Variants in CCDC152 observed in about 807,000 individuals in gnomAD.
CCDC152 encodes coiled-coil domain containing 152.
Under a neutral mutation model 38.1 loss-of-function variants are expected in CCDC152, and 37 were observed. The ratio of observed to expected loss-of-function variants is 0.97; its 90% CI spans 0.75 to 1.28. CCDC152 has a LOEUF of 1.28. Ranked by LOEUF, CCDC152 falls within the 50% of genes most tolerant of loss-of-function variation. CCDC152 has a pLI of 0.00. For synonymous variants in CCDC152, 83 were observed against 87.1 expected (o/e 0.95, Z 0.26); for missense variants, 259 against 292.1 (o/e 0.89, Z 0.83).
At position 42,777,366 on chromosome 5, in the gene CCDC152, G is replaced by GATTA. The variant is rs1314075539; in HGVS notation, c.263-2092_263-2091insATTA. The stretch of plus-strand genomic sequence containing the variant: ...TAATCCCAGCTACTCGGGGGCCGAG[G>GATTA]CAGGAAAATAGCTTGAACCCAGGAG... On this transcript the variant is annotated intron_variant, in intron 4 of 8. Coordinates refer to ENST00000361970, the MANE Select transcript of CCDC152 (RefSeq NM_001134848.2). Among the ~76,000 whole-genome samples, 22 of 152,154 alleles carry GATTA rather than the reference G, an allele frequency of 1.4e-4. No individual in the cohort carries two copies. The East Asian group carries it at 4.1e-3, about 28-fold the overall frequency.
At chr5:42,760,375 T>C (rs1759536641) in intron 2 of CCDC152, among the ~76,000 whole-genome samples, 2 of 151,982 alleles carry the variant, frequency 1.3e-5, no homozygotes, top group African/African-American at 4.8e-5. Flanking sequence ...AACATTGAAG[T>C]AAATGCATAT....
chr5:42,793,742 G>A (rs1411852104), intron 6 of CCDC152, among the ~76,000 whole-genome samples: 1 of 152,086 alleles, frequency 6.6e-6, no homozygotes, highest in Non-Finnish European at 1.5e-5. Context: ...CTGAGTAGCT[G>A]GGCCCACAGG....
In CCDC152 at chr5:42,756,838, C is replaced by T. The variant is rs3797310; in HGVS notation, c.-50C>T. 0.26 allele frequency: 39,659 copies of T among 152,726 alleles called. 5,742 individuals are homozygous for T. Among genetic ancestry groups the T allele is most frequent in the Admixed American group, 0.38 (5,793 of 15,286 alleles). 9.5% of individuals were successfully genotyped at this position (152,726 alleles called of 1,614,324 possible). A position where few individuals can be genotyped will look rare whatever the true frequency, so the allele number is the denominator to read the frequency against. ...ACAGCATTCAGGGGTGTACCAGGCCCCAGAGGCAGCGGAAAGGGAGACTGT... is the reference window on the plus strand; with the variant it reads ...ACAGCATTCAGGGGTGTACCAGGCCTCAGAGGCAGCGGAAAGGGAGACTGT... On this transcript the variant is annotated 5_prime_UTR_variant, in exon 1 of 9. Coordinates refer to ENST00000361970, the MANE Select transcript of CCDC152 (RefSeq NM_001134848.2).
At chr5:42,768,701 A>G (rs983373747) in intron 3 of CCDC152, among the ~76,000 whole-genome samples, 3 of 152,208 alleles carry the variant, frequency 2.0e-5, no homozygotes, top group Non-Finnish European at 2.9e-5. Context: ...TAAGAAAAGC[A>G]TTGTCTTATA....
At chr5:42,768,200 G>A (rs1056772408) in intron 3 of CCDC152, among the ~76,000 whole-genome samples, 2 of 152,124 alleles carry the variant, frequency 1.3e-5, no homozygotes, top group African/African-American at 4.8e-5. Context: ...CACAGTATTG[G>A]TTCTTTCATT....
At chr5:42,773,263 C>T (rs918493902) in intron 4 of CCDC152, among the ~76,000 whole-genome samples, 1 of 152,096 alleles carries the variant, frequency 6.6e-6, no homozygotes, top group African/African-American at 2.4e-5. Flanking sequence ...ATCAATGAAT[C>T]TTTTCAGTAG....
chr5:42,763,092 T>C (rs1376053362), intron 3 of CCDC152, among the ~76,000 whole-genome samples: 10 of 152,140 alleles, frequency 6.6e-5, no homozygotes, highest in Non-Finnish European at 1.3e-4. Context: ...TGGCTGATTA[T>C]AGCACTGGGG....
chr5:42,784,125 G>A (rs1759886702), intron 6 of CCDC152, among the ~76,000 whole-genome samples: 1 of 152,052 alleles, frequency 6.6e-6, no homozygotes, highest in Admixed American at 6.5e-5. Flanking sequence ...GGATTACTGG[G>A]TTGAATAGTA....
In CCDC152 at chr5:42,799,649, T is replaced by A; in HGVS notation, c.643-10T>A. ...CTGAATTCTAATAACAAATTTTTTG[T>A]TTCGTTTAGAAACTTCAGCATTTTC... is the stretch of plus-strand genomic sequence containing the variant. On this transcript the variant is annotated splice_polypyrimidine_tract_variant and intron_variant, in intron 8 of 8. Coordinates refer to ENST00000361970, the MANE Select transcript of CCDC152 (RefSeq NM_001134848.2). The A allele has an allele frequency of 6.5e-7, 1 of 1,531,376 alleles. No homozygotes were observed. The highest frequency in any genetic ancestry group is 8.8e-7 in the Non-Finnish European group (1 of 1,136,908). The allele number at this position is 1,531,376 out of a possible 1,614,324, so 94.9% of individuals were successfully genotyped here.
At chr5:42,797,820 A>G (rs909338214) in intron 7 of CCDC152, among the ~76,000 whole-genome samples, 1 of 152,086 alleles carries the variant, frequency 6.6e-6, no homozygotes, top group Non-Finnish European at 1.5e-5. Flanking sequence ...CTAATAGGGC[A>G]TCTCAAAGGC....
Position 42,759,106 on chromosome 5 carries a change from T to G in CCDC152, c.-2-14T>G. ...TTTATTTATTTAACACTATCTACTGTTTACTACTTTCAGGCATGGACCAAA... is the reference window on the plus strand; with the variant it reads ...TTTATTTATTTAACACTATCTACTGGTTACTACTTTCAGGCATGGACCAAA... On this transcript the variant is annotated splice_polypyrimidine_tract_variant and intron_variant, in intron 1 of 8. Coordinates refer to ENST00000361970, the MANE Select transcript of CCDC152 (RefSeq NM_001134848.2). 6.6e-7 allele frequency: 1 copy of G among 1,517,084 alleles called. No individual in the cohort carries two copies. Among genetic ancestry groups the G allele is most frequent in the Non-Finnish European group, 8.9e-7 (1 of 1,117,402 alleles). 94.0% of individuals were successfully genotyped at this position (1,517,084 alleles called of 1,614,324 possible).
chr5:42,786,798 T>C (rs1177176888), intron 6 of CCDC152, among the ~76,000 whole-genome samples: 1 of 152,082 alleles, frequency 6.6e-6, no homozygotes, highest in African/African-American at 2.4e-5. Context: ...TAAACTTTTC[T>C]CCTAATACTA....
intron 6 of CCDC152, among the ~76,000 whole-genome samples, chr5:42,792,690 T>G (rs928195040): frequency 4.2e-4 from 64 of 152,194 alleles, no homozygotes; most frequent in African/African-American, 1.5e-3. Context: ...CCTGTTTCCT[T>G]GTGCTAGTTC....
At chr5:42,785,977 T>TGAA (rs2111575955) in intron 6 of CCDC152, among the ~76,000 whole-genome samples, 1 of 152,258 alleles carries the variant, frequency 6.6e-6, no homozygotes, top group Admixed American at 6.5e-5. Context: ...ATAAGGCCGT[T>TGAA]TGATCCTGAT....
chr5:42,769,028 T>A (rs992666233), intron 3 of CCDC152, among the ~76,000 whole-genome samples: 2 of 152,086 alleles, frequency 1.3e-5, no homozygotes, highest in African/African-American at 4.8e-5. Context: ...GCAGGTGGAT[T>A]ACTTGAGGTC....
At chr5:42,760,677 T>C (rs1473027748) in intron 2 of CCDC152, among the ~76,000 whole-genome samples, 2 of 152,240 alleles carry the variant, frequency 1.3e-5, no homozygotes, top group South Asian at 2.1e-4. Context: ...TGTAATTCTT[T>C]TCTATTCCTT....
Position 42,783,513 on chromosome 5 carries a change from A to G in CCDC152, c.367A>G (p.Lys123Glu). 3.6e-6 allele frequency: 5 copies of G among 1,383,658 alleles called. No homozygotes were observed. The highest frequency in any genetic ancestry group is 4.7e-6 in the Non-Finnish European group (5 of 1,056,258). 85.7% of individuals were successfully genotyped at this position (1,383,658 alleles called of 1,614,324 possible). Residue 123 changes from lysine to glutamate, a missense_variant, in exon 6 of 9, where the codon AAA (lysine) becomes GAA (glutamate). By Grantham distance (56) the Lys-to-Glu change is moderately conservative. Transcript: ENST00000361970. ...NNIAKLVSEM[K>E]IKEEGYKKEI... ...TATTGCCAAACTTGTAAGTGAAATG[A>G]AAATCAAAGAGGAGGGATATAAGAA...
In CCDC152 at chr5:42,800,838, C is replaced by A. The variant is rs373692600; in HGVS notation, c.*1057C>A. 6.2e-7 allele frequency: 1 copy of A among 1,614,192 alleles called. No individual in the cohort carries two copies. The highest frequency in any genetic ancestry group is 1.3e-5 in the African/African-American group (1 of 75,050). Reference sequence around the variant, plus strand: ...GGCAGCTGGAGGCAAACGTCACTGACAAGATTCAGTTATGTTCTCCTCTGC... The same window carrying A: ...GGCAGCTGGAGGCAAACGTCACTGAAAAGATTCAGTTATGTTCTCCTCTGC... On this transcript the variant is annotated 3_prime_UTR_variant, in exon 9 of 9. Coordinates refer to ENST00000361970, the MANE Select transcript of CCDC152 (RefSeq NM_001134848.2).
chr5:42,790,568 T>C (rs1394995734), intron 6 of CCDC152, among the ~76,000 whole-genome samples: 1 of 152,076 alleles, frequency 6.6e-6, no homozygotes, highest in Non-Finnish European at 1.5e-5. Context: ...GAGAAGTTTA[T>C]TGGGGAAAAC....
Sources: allele counts gnomAD v4.1 joint callset (sites outside exome capture counted in the v4.1 genomes callset), GRCh38; gene constraint gnomAD v4.1.1; transcripts MANE v1.5; gene names NCBI Gene and HGNC (gene_info 2026-07-23, HGNC 2026-07-21).